CACNG4: variants seen among roughly 807,000 people sequenced by gnomAD.
CACNG4 encodes voltage-dependent calcium channel gamma-4 subunit.
Under a neutral mutation model 22.9 loss-of-function variants are expected in CACNG4, and 8 were observed. The observed-to-expected ratio is 0.35, with a 90% CI of 0.21 to 0.63. The LOEUF (loss-of-function observed/expected upper bound fraction) is 0.63, where lower values mean the gene tolerates loss of function less well. CACNG4 is among the 30% of genes least tolerant of loss of function. The pLI is 0.72. For synonymous variants in CACNG4, 188 were observed against 191.9 expected, an observed-to-expected ratio of 0.98 and a Z score of 0.17; for missense variants, 357 against 455.4, an observed-to-expected ratio of 0.78 and a Z score of 1.97.
intron 2 of CACNG4, among the ~76,000 whole-genome samples, chr17:67,023,771 T>A (rs920614078): frequency 5.3e-5 from 8 of 151,384 alleles, no homozygotes; most frequent in Admixed American, 4.0e-4. Flanking sequence ...GATACGGGGT[T>A]TCACCATGTT....
At chr17:66,988,068 C>T (rs568861483) in intron 1 of CACNG4, among the ~76,000 whole-genome samples, 268 of 146,692 alleles carry the variant, frequency 1.8e-3, no homozygotes, top group Non-Finnish European at 3.2e-3. Flanking sequence ...TATATATATA[C>T]ACACACACAC....
At chr17:66,979,571 T>A (rs1274040844) in intron 1 of CACNG4, among the ~76,000 whole-genome samples, 3 of 152,010 alleles carry the variant, frequency 2.0e-5, no homozygotes. Context: ...AAACTGATGG[T>A]CATGGGAATG....
intron 1 of CACNG4, among the ~76,000 whole-genome samples, chr17:67,006,062 G>A (rs1281780373): frequency 2.0e-5 from 3 of 152,172 alleles, no homozygotes; most frequent in Admixed American, 6.5e-5. Flanking sequence ...TCAGGAAGCT[G>A]CCAACTTGAA....
At position 67,031,663 on chromosome 17, in the gene CACNG4, G is replaced by T. The variant is rs1454415206; in HGVS notation, c.*659G>T. The T allele has an allele frequency of 2.2e-6, 1 of 456,806 alleles. No individual in the cohort carries two copies. Among genetic ancestry groups the T allele is most frequent in the Non-Finnish European group, 4.4e-6 (1 of 226,992 alleles). The allele number at this position is 456,806 out of a possible 1,614,324, so 28.3% of individuals were successfully genotyped here. A position where few individuals can be genotyped will look rare whatever the true frequency, so the allele number is the denominator to read the frequency against. Reference sequence around the variant, plus strand: ...CGACCTGGGGAGGCCGTGGCCTGTGGAGGAGGCCCAGGTAAAGGCTGGGGG... The same window carrying T: ...CGACCTGGGGAGGCCGTGGCCTGTGTAGGAGGCCCAGGTAAAGGCTGGGGG... On this transcript the variant is annotated 3_prime_UTR_variant, in exon 4 of 4. Transcript: ENST00000262138. This position sits in a 1 kb window ranked among gnomAD's most constrained non-coding sequence, Gnocchi z 4.0.
chr17:66,995,618 A>G (rs8070678), intron 1 of CACNG4, among the ~76,000 whole-genome samples: 73,213 of 152,004 alleles, frequency 0.48, 19,774 homozygotes, highest in African/African-American at 0.74. Context: ...TTGGGAGGCC[A>G]AGGCAGGCAG....
chr17:66,989,525 A>G (rs570500078), intron 1 of CACNG4, among the ~76,000 whole-genome samples: 1 of 151,624 alleles, frequency 6.6e-6, no homozygotes, highest in Non-Finnish European at 1.5e-5. Flanking sequence ...TTGGACTTCT[A>G]GCCCCCAGAA....
intron 1 of CACNG4, among the ~76,000 whole-genome samples, chr17:67,011,932 A>G (rs1412991604): frequency 6.6e-6 from 1 of 151,304 alleles, no homozygotes; most frequent in Non-Finnish European, 1.5e-5. Context: ...GGGCCTGGAG[A>G]CTCCCAATAC....
At chr17:66,982,961 T>C (rs2035285635) in intron 1 of CACNG4, among the ~76,000 whole-genome samples, 1 of 152,210 alleles carries the variant, frequency 6.6e-6, no homozygotes, top group African/African-American at 2.4e-5. Flanking sequence ...AGGCAGGTGC[T>C]AGCACTACTT....
intron 1 of CACNG4, among the ~76,000 whole-genome samples, chr17:66,996,866 A>G (rs1013162549): frequency 6.6e-6 from 1 of 152,210 alleles, no homozygotes. Context: ...AGAGGGGGAC[A>G]GGTCCCTGAG....
At chr17:67,021,066 T>C (rs1262302261) in intron 2 of CACNG4, among the ~76,000 whole-genome samples, 3 of 152,132 alleles carry the variant, frequency 2.0e-5, no homozygotes, top group African/African-American at 7.2e-5. Flanking sequence ...CCAGAAGTGA[T>C]GGCACATGCC....
intron 1 of CACNG4, among the ~76,000 whole-genome samples, chr17:66,990,704 G>T (rs149521170): frequency 7.0e-6 from 1 of 142,740 alleles, no homozygotes; most frequent in Non-Finnish European, 1.5e-5. Context: ...TTTTTGAGAC[G>T]GAGTCTCGCT....
intron 1 of CACNG4, among the ~76,000 whole-genome samples, chr17:67,015,450 C>T (rs182465199): frequency 7.9e-5 from 12 of 152,264 alleles, no homozygotes; most frequent in Admixed American, 2.6e-4. Context: ...TGTTCTGTAT[C>T]CTGACTGTCA....
chr17:66,973,237 T>TAAA (rs10718135), intron 1 of CACNG4, among the ~76,000 whole-genome samples: 7 of 141,894 alleles, frequency 4.9e-5, no homozygotes, highest in African/African-American at 1.6e-4. Flanking sequence ...AAGACTCCAT[T>TAAA]AAAAAAAAAA....
At chr17:67,009,167 C>T (rs1192529938) in intron 1 of CACNG4, among the ~76,000 whole-genome samples, 2 of 152,198 alleles carry the variant, frequency 1.3e-5, no homozygotes, top group Admixed American at 1.3e-4. Context: ...TTCTCCCTCA[C>T]AGCCCTCAGG....
intron 1 of CACNG4, among the ~76,000 whole-genome samples, chr17:67,010,751 C>T (rs2035463460): frequency 6.6e-6 from 1 of 152,146 alleles, no homozygotes; most frequent in South Asian, 2.1e-4. Context: ...ATAGAGCCCT[C>T]CAGTCTTTCT....
Position 67,024,934 on chromosome 17 carries a change from G to A in CACNG4, c.379G>A (p.Ala127Thr). 6.2e-7 allele frequency: 1 copy of A among 1,607,250 alleles called. No homozygotes were observed. The highest frequency in any genetic ancestry group is 2.3e-5 in the East Asian group (1 of 44,368). ...LLLLGGLCIG[A>T]GRIYSRKNNI... ...CCTGCTGGGTGGCCTGTGCATCGGTGCTGGCAGGATCTACAGCCGCAAGAA... is the reference window on the plus strand; with the variant it reads ...CCTGCTGGGTGGCCTGTGCATCGGTACTGGCAGGATCTACAGCCGCAAGAA... The change falls in exon 3 of 4, where the codon GCT becomes ACT. Residue 127 changes from alanine to threonine, a missense_variant. This residue lies in a region of CACNG4 where 240 missense variants were observed against 277.6 expected (regional missense o/e 0.86). Coordinates refer to ENST00000262138, the MANE Select transcript of CACNG4 (RefSeq NM_014405.4).
chr17:67,016,289 C>T (rs2035496965), intron 1 of CACNG4, among the ~76,000 whole-genome samples: 1 of 152,140 alleles, frequency 6.6e-6, no homozygotes, highest in South Asian at 2.1e-4. Context: ...ATGCAGAGGA[C>T]ACTCCTAGCA....
At chr17:67,022,201 A>G (rs1219648902) in intron 2 of CACNG4, among the ~76,000 whole-genome samples, 2 of 151,528 alleles carry the variant, frequency 1.3e-5, no homozygotes, top group Non-Finnish European at 2.9e-5. Flanking sequence ...CAGCCTCCTG[A>G]ATCGCTGGGA....
intron 1 of CACNG4, among the ~76,000 whole-genome samples, chr17:66,986,700 C>T (rs952108095): frequency 6.6e-6 from 1 of 152,202 alleles, no homozygotes; most frequent in African/African-American, 2.4e-5. Flanking sequence ...AATTTAGCTT[C>T]CAGTGGTTGC....
Sources: allele counts gnomAD v4.1 joint callset (sites outside exome capture counted in the v4.1 genomes callset), GRCh38; gene constraint gnomAD v4.1.1; regional missense constraint gnomAD v4.1.1; non-coding constraint Gnocchi (gnomAD v3.1); transcripts MANE v1.5; gene names NCBI Gene and HGNC (gene_info 2026-07-23, HGNC 2026-07-21).